The following WDR33 variants were observed in gnomAD, a reference collection of about 807,000 sequenced individuals.
WDR33 encodes the protein pre-mRNA 3' end processing protein WDR33.
Under a neutral mutation model 164.9 loss-of-function variants are expected in WDR33, and 47 were observed. That is an observed-to-expected ratio of 0.29 (90% CI 0.23 to 0.36). The LOEUF is 0.36. Ranked by LOEUF, WDR33 falls within the 10% of genes least tolerant of loss-of-function variation. The pLI is 1.00. For synonymous variants in WDR33, 505 were observed against 589.0 expected, an observed-to-expected ratio of 0.86 and a Z score of 2.06; for missense variants, 1,137 against 1,754.1, an observed-to-expected ratio of 0.65 and a Z score of 6.28.
intron 7 of WDR33, among the ~76,000 whole-genome samples, chr2:127,731,317 A>AACAC (rs1553473222): frequency 1.6e-4 from 23 of 143,834 alleles, no homozygotes; most frequent in African/African-American, 5.7e-4. Flanking sequence ...AAAAAAAAAA[A>AACAC]ACACAGAAAA....
intron 7 of WDR33, among the ~76,000 whole-genome samples, chr2:127,733,615 A>T (rs1269465480): frequency 6.6e-6 from 1 of 152,196 alleles, no homozygotes; most frequent in South Asian, 2.1e-4. Flanking sequence ...TTTCTCAGTC[A>T]TATCAGTGAC....
intron 7 of WDR33, among the ~76,000 whole-genome samples, chr2:127,761,922 A>C (rs1185323138): frequency 6.6e-6 from 1 of 152,240 alleles, no homozygotes; most frequent in East Asian, 1.9e-4. Flanking sequence ...GTTGAAGCAA[A>C]TGTGATGGAA....
Position 127,717,516 on chromosome 2 carries a change from A to G in WDR33, c.2761-253T>C, listed in dbSNP as rs1686330506. Reference sequence around the variant, plus strand: ...TCTTTACTCGTAATGCCAAAAAAGAACATCAATGGAAAGTCAGAAATTCTA... The same window carrying G: ...TCTTTACTCGTAATGCCAAAAAAGAGCATCAATGGAAAGTCAGAAATTCTA... On this transcript the variant is annotated intron_variant, in intron 16 of 21. Coordinates refer to ENST00000322313, the MANE Select transcript of WDR33 (RefSeq NM_018383.5). The surrounding 1 kb of genome is among the most constrained non-coding windows in gnomAD (Gnocchi z 5.6). Among the ~76,000 whole-genome samples, 1 of 152,242 alleles carries G rather than the reference A, an allele frequency of 6.6e-6. No individual in the cohort carries two copies. Among genetic ancestry groups the G allele is most frequent in the South Asian group, 2.1e-4 (1 of 4,828 alleles).
chr2:127,752,313 G>A (rs556653656), intron 7 of WDR33, among the ~76,000 whole-genome samples: 7 of 152,026 alleles, frequency 4.6e-5, no homozygotes, highest in Non-Finnish European at 5.9e-5. Context: ...GGCACCGGCC[G>A]GGCGCGGTGG....
chr2:127,767,436 G>A (rs917918194), intron 4 of WDR33, among the ~76,000 whole-genome samples: 1 of 152,026 alleles, frequency 6.6e-6, no homozygotes, highest in African/African-American at 2.4e-5. Context: ...GTTTAAGGCC[G>A]GGCACGGTGG....
intron 7 of WDR33, among the ~76,000 whole-genome samples, chr2:127,734,614 G>A (rs1686793928): frequency 6.6e-6 from 1 of 152,130 alleles, no homozygotes; most frequent in African/African-American, 2.4e-5. Flanking sequence ...TGTGCATGAT[G>A]CCAACGTTTA....
At chr2:127,781,343 T>TA (rs1231514787) in intron 1 of WDR33, among the ~76,000 whole-genome samples, 2 of 152,112 alleles carry the variant, frequency 1.3e-5, no homozygotes, top group East Asian at 3.9e-4. Context: ...GGTGTGGTTA[T>TA]AAAAAAGGTA....
chr2:127,744,938 C>T (rs559026922), intron 7 of WDR33, among the ~76,000 whole-genome samples: 2 of 152,074 alleles, frequency 1.3e-5, no homozygotes, highest in African/African-American at 4.8e-5. Context: ...GAAAAAAATG[C>T]ATCTCAGTGT....
In WDR33 at chr2:127,721,413, T is replaced by TGA. The variant is rs1686435848; in HGVS notation, c.1671+422_1671+423insTC. On this transcript the variant is annotated intron_variant, in intron 15 of 21. Transcript: ENST00000322313. The surrounding 1 kb of genome is among the most constrained non-coding windows in gnomAD (Gnocchi z 4.9). The stretch of plus-strand genomic sequence containing the variant: ...GTAAGCCACCACGCCTGACCCTAAT[T>TGA]GGGTTTTAAAAGTCCAAGATATGAC... 6.6e-6 allele frequency among the ~76,000 whole-genome samples: 1 copy of TGA among 152,050 alleles called. No homozygotes were observed. The highest frequency in any genetic ancestry group is 1.9e-4 in the East Asian group (1 of 5,188).
chr2:127,753,215 C>G (rs1687423182), intron 7 of WDR33, among the ~76,000 whole-genome samples: 1 of 152,196 alleles, frequency 6.6e-6, no homozygotes, highest in East Asian at 1.9e-4. Flanking sequence ...GCATGAGCCA[C>G]CACGCATAGC....
Position 127,702,128 on chromosome 2 carries a change from G to A in WDR33, c.*4195C>T. 1.6e-6 allele frequency: 2 copies of A among 1,217,084 alleles called. No individual in the cohort carries two copies. Among genetic ancestry groups the A allele is most frequent in the South Asian group, 8.1e-5 (2 of 24,618 alleles). The allele number at this position is 1,217,084 out of a possible 1,614,324, so 75.4% of individuals were successfully genotyped here. On this transcript the variant is annotated 3_prime_UTR_variant, in exon 22 of 22. Transcript: ENST00000322313. ...GCGGCACCGCGCTGCGCCTCGCACT[G>A]GGTCGCCTGGGCCGCGGCGCCGGCC...
Position 127,718,479 on chromosome 2 carries a change from C to A in WDR33, c.2760+786G>T, listed in dbSNP as rs979542452. The stretch of plus-strand genomic sequence containing the variant: ...AGTATTACATCTATTTATGCTCATG[C>A]AATTCTTTTCGTAATTCACTCCCCC... On this transcript the variant is annotated intron_variant, in intron 16 of 21. Coordinates refer to ENST00000322313, the MANE Select transcript of WDR33 (RefSeq NM_018383.5). This position sits in a 1 kb window ranked among gnomAD's most constrained non-coding sequence, Gnocchi z 4.4. Among the ~76,000 whole-genome samples, 14 of 152,142 alleles carry A rather than the reference C, an allele frequency of 9.2e-5. No homozygotes were observed. The highest frequency in any genetic ancestry group is 3.1e-4 in the African/African-American group (13 of 41,432).
chr2:127,762,593 T>C (rs890621514), intron 7 of WDR33: 16 of 986,820 alleles, frequency 1.6e-5, no homozygotes, highest in African/African-American at 7.0e-5. Context: ...GGCCATGTAG[T>C]ACAAATGTGG....
At chr2:127,731,216 C>T (rs762717742) in intron 7 of WDR33, among the ~76,000 whole-genome samples, 6 of 149,296 alleles carry the variant, frequency 4.0e-5, no homozygotes, top group Non-Finnish European at 8.9e-5. Context: ...ATCGCCTGAG[C>T]CCAGGGAGGC....
intron 1 of WDR33, among the ~76,000 whole-genome samples, chr2:127,795,324 C>T (rs1689000174): frequency 6.6e-6 from 1 of 151,782 alleles, no homozygotes; most frequent in Non-Finnish European, 1.5e-5. Context: ...TGGTCCAGAA[C>T]TCCTGACCTC....
At chr2:127,779,373 G>C (rs896079008) in intron 1 of WDR33, among the ~76,000 whole-genome samples, 2 of 151,992 alleles carry the variant, frequency 1.3e-5, no homozygotes, top group African/African-American at 4.8e-5. Flanking sequence ...GGCTGGGGCA[G>C]GAGAATAGCT....
intron 1 of WDR33, among the ~76,000 whole-genome samples, chr2:127,784,484 G>A (rs567750680): frequency 6.2e-4 from 94 of 152,286 alleles, no homozygotes; most frequent in Non-Finnish European, 3.4e-4. Flanking sequence ...TGTAGGCTCA[G>A]GTCATCTTCC....
chr2:127,780,485 T>C (rs1419278840), intron 1 of WDR33, among the ~76,000 whole-genome samples: 2 of 151,952 alleles, frequency 1.3e-5, no homozygotes, highest in Admixed American at 6.5e-5. Flanking sequence ...TGTCCAACTT[T>C]AATTAATATG....
intron 1 of WDR33, among the ~76,000 whole-genome samples, chr2:127,788,485 C>A (rs1305885729): frequency 1.5e-5 from 2 of 132,476 alleles, no homozygotes; most frequent in African/African-American, 3.0e-5. Flanking sequence ...GACACCCCCA[C>A]CTCCCTCCCG....
Sources: gnomAD v4.1 joint callset for allele counts (sites outside exome capture counted in the v4.1 genomes callset) on GRCh38, gnomAD v4.1.1 for gene constraint, Gnocchi (gnomAD v3.1) non-coding constraint, MANE v1.5 for transcripts, NCBI Gene and HGNC (gene_info 2026-07-23, HGNC 2026-07-21) for gene names.